ALPK1: variants seen among roughly 807,000 people sequenced by gnomAD.
ALPK1 encodes the protein alpha kinase 1.
In ALPK1, 110 loss-of-function variants were observed where a neutral mutation model predicts 120.6. That is an observed-to-expected ratio of 0.91 (90% CI 0.78 to 1.07). The LOEUF (loss-of-function observed/expected upper bound fraction) is 1.07. Ranked by LOEUF, ALPK1 falls within the 50% of genes least tolerant of loss-of-function variation. The pLI is 0.00. For missense variants in ALPK1, 1,498 were observed against 1,483.9 expected, an observed-to-expected ratio of 1.01 and a Z score of -0.16; for synonymous variants, 582 against 560.3, an observed-to-expected ratio of 1.04 and a Z score of -0.55.
intron 1 of ALPK1, among the ~76,000 whole-genome samples, chr4:112,313,377 G>C (rs1728492523): frequency 6.6e-6 from 1 of 152,156 alleles, no homozygotes; most frequent in South Asian, 2.1e-4. Context: ...GCAGAGGAGG[G>C]AGGCTTTATG....
intron 2 of ALPK1, among the ~76,000 whole-genome samples, chr4:112,318,256 G>A (rs1277146970): frequency 2.0e-5 from 3 of 152,090 alleles, no homozygotes; most frequent in Admixed American, 6.6e-5. Flanking sequence ...CTTCACCCTC[G>A]GGGGAAGGAA....
At chr4:112,436,106 G>T (rs1734778587) in intron 12 of ALPK1, among the ~76,000 whole-genome samples, 1 of 152,152 alleles carries the variant, frequency 6.6e-6, no homozygotes, top group Non-Finnish European at 1.5e-5. Flanking sequence ...CTTGTTATTT[G>T]CTCAAATCCA....
chr4:112,389,047 C>CTTTTTTTTT (rs36062437), intron 4 of ALPK1, among the ~76,000 whole-genome samples: 1 of 138,038 alleles, frequency 7.2e-6, no homozygotes, highest in African/African-American at 2.7e-5. Context: ...GCCATGCTGG[C>CTTTTTTTTT]TTTTTTTTTT....
chr4:112,432,678 G>A (rs1409246725), intron 11 of ALPK1, 97 bp downstream of exon 11: 8 of 1,190,228 alleles, frequency 6.7e-6, no homozygotes, highest in Non-Finnish European at 9.4e-6. Context: ...GCTCATGAAA[G>A]GTATAGAACC....
intron 2 of ALPK1, chr4:112,356,666 G>A (rs979175901): frequency 4.4e-6 from 4 of 905,302 alleles, no homozygotes; most frequent in Non-Finnish European, 7.3e-6. Context: ...CAATGTAGAA[G>A]AGAAAAGCCT....
intron 4 of ALPK1, among the ~76,000 whole-genome samples, chr4:112,391,207 CAGA>C (rs1486176927): frequency 6.6e-6 from 1 of 152,126 alleles, no homozygotes; most frequent in Non-Finnish European, 1.5e-5. Context: ...CAGTCCCTAG[CAGA>C]AGATTTATGA....
At chr4:112,414,371 C>G in intron 5 of ALPK1, 2 of 454,498 alleles carry the variant, frequency 4.4e-6, no homozygotes, top group Non-Finnish European at 8.9e-6. Context: ...CTTTGGGAGG[C>G]CGAAGCGGGT....
chr4:112,373,480 A>G (rs1435832727), intron 2 of ALPK1, among the ~76,000 whole-genome samples: 1 of 152,244 alleles, frequency 6.6e-6, no homozygotes, highest in Non-Finnish European at 1.5e-5. Flanking sequence ...CAATCCATGC[A>G]GAAATACCTT....
At chr4:112,301,792 G>T (rs1727798790) in intron 1 of ALPK1, among the ~76,000 whole-genome samples, 1 of 152,038 alleles carries the variant, frequency 6.6e-6, no homozygotes, top group Non-Finnish European at 1.5e-5. Flanking sequence ...TGCTGCCCAG[G>T]CTGGAGTGCA....
chr4:112,382,542 A>G lies in ALPK1; in HGVS notation c.266A>G (p.Gln89Arg), dbSNP rs138981598. Residue 89 changes from glutamine to arginine, a missense_variant, in exon 4 of 16, where the codon CAG (glutamine) becomes CGG (arginine). Coordinates refer to ENST00000650871, the MANE Select transcript of ALPK1 (RefSeq NM_025144.4). ...AAGGATGTGATTGGCGCCGGGTTGC[A>G]GCAGTTACTGGTAGGAAGAGCCACA... Reference protein sequence around the residue: ...NLKDVIGAGLQQLLASLRASI... With the variant: ...NLKDVIGAGLRQLLASLRASI... The G allele has an allele frequency of 1.9e-6, 3 of 1,614,172 alleles. No homozygotes were observed. The highest frequency in any genetic ancestry group is 2.5e-6 in the Non-Finnish European group (3 of 1,180,004).
intron 9 of ALPK1, among the ~76,000 whole-genome samples, chr4:112,428,589 C>T (rs1031856965): frequency 1.3e-5 from 2 of 152,166 alleles, no homozygotes; most frequent in African/African-American, 4.8e-5. Flanking sequence ...CCATCCTGGG[C>T]CTCCCTAACC....
chr4:112,370,427 G>T (rs1731353816), intron 2 of ALPK1, among the ~76,000 whole-genome samples: 1 of 152,030 alleles, frequency 6.6e-6, no homozygotes, highest in African/African-American at 2.4e-5. Context: ...TACAGGGGAG[G>T]GATGTTAAAA....
chr4:112,403,598 A>G (rs549760754), intron 4 of ALPK1, among the ~76,000 whole-genome samples: 1 of 152,178 alleles, frequency 6.6e-6, no homozygotes, highest in South Asian at 2.1e-4. Flanking sequence ...CCACAATGCT[A>G]TTGAAGTGCT....
Position 112,431,484 on chromosome 4 carries a change from A to T in ALPK1, c.1937A>T (p.His646Leu). 6.2e-7 allele frequency: 1 copy of T among 1,614,200 alleles called. No individual in the cohort carries two copies. Among genetic ancestry groups the T allele is most frequent in the Non-Finnish European group, 8.5e-7 (1 of 1,180,006 alleles). ...RAMHSLHSQL[H>L]DLSLQEPNND... Reference sequence around the variant, plus strand: ...ATGCATTCATTGCATTCACAGCTTCATGATCTCTCTCTTCAGGAACCCAAC... The same window carrying T: ...ATGCATTCATTGCATTCACAGCTTCTTGATCTCTCTCTTCAGGAACCCAAC... Residue 646 changes from histidine to leucine, a missense_variant, in exon 11 of 16, where the codon CAT becomes CTT. Coordinates refer to ENST00000650871, the MANE Select transcript of ALPK1 (RefSeq NM_025144.4).
chr4:112,359,109 C>A, intron 2 of ALPK1: 1 of 715,706 alleles, frequency 1.4e-6, no homozygotes, highest in East Asian at 2.7e-5. Flanking sequence ...CAAGCTGACC[C>A]TGTCCAAGGC....
At chr4:112,415,404 G>A (rs1024626803) in intron 5 of ALPK1, among the ~76,000 whole-genome samples, 3 of 152,232 alleles carry the variant, frequency 2.0e-5, no homozygotes, top group African/African-American at 7.2e-5. Flanking sequence ...GGGAGGCCAA[G>A]GCGGGTGGAT....
At position 112,429,222 on chromosome 4, in the gene ALPK1, C is replaced by T. The variant is rs1734413622; in HGVS notation, c.869C>T (p.Ala290Val). 1 of 1,612,846 alleles carries T rather than the reference C, an allele frequency of 6.2e-7. No homozygotes were observed. Among genetic ancestry groups the T allele is most frequent in the Non-Finnish European group, 8.5e-7 (1 of 1,179,944 alleles). Reference protein sequence around the residue: ...EACKLAAAFSAYTPLFVLTAV... With the variant: ...EACKLAAAFSVYTPLFVLTAV... ...TGCAAGCTGGCAGCTGCCTTCAGTG[C>T]CTATACGCCGCTCTTCGTGCTCACA... The change falls in exon 10 of 16, where the codon GCC becomes GTC. Residue 290 changes from alanine to valine, a missense_variant. Ala to Val is a moderately conservative substitution (Grantham distance 64). Transcript: ENST00000650871.
chr4:112,325,999 T>C (rs957438966), intron 2 of ALPK1, among the ~76,000 whole-genome samples: 2 of 152,206 alleles, frequency 1.3e-5, no homozygotes, highest in Admixed American at 1.3e-4. Context: ...CTGGTGTCTC[T>C]GGCTGAGCCA....
At chr4:112,382,620 A>G in intron 4 of ALPK1, 68 bp downstream of exon 4, 1 of 1,607,828 alleles carries the variant, frequency 6.2e-7, no homozygotes, top group Non-Finnish European at 8.5e-7. Context: ...TAAGTGGTCT[A>G]ATAGATTAAA....
Sources: gnomAD v4.1 joint callset for allele counts (sites outside exome capture counted in the v4.1 genomes callset) on GRCh38, gnomAD v4.1.1 for gene constraint, MANE v1.5 for transcripts, NCBI Gene and HGNC (gene_info 2026-07-23, HGNC 2026-07-21) for gene names.